Variants in PCDHA6 observed in about 807,000 individuals in gnomAD.
PCDHA6 encodes the protein protocadherin alpha 6.
In PCDHA6, 55 loss-of-function variants were observed where a neutral mutation model predicts 60.3. The observed-to-expected ratio is 0.91, with a 90% confidence interval of 0.73 to 1.14. The LOEUF (loss-of-function observed/expected upper bound fraction) is 1.14, where lower values mean the gene tolerates loss of function less well. Among genes scored for constraint, PCDHA6 ranks in the 50% most tolerant of loss-of-function variants. The pLI, the probability that PCDHA6 is intolerant of heterozygous loss-of-function variation, is 0.00. For missense variants in PCDHA6, 1,327 were observed against 1,256.5 expected, an observed-to-expected ratio of 1.06 and a Z score of -0.85; for synonymous variants, 652 against 557.9, an observed-to-expected ratio of 1.17 and a Z score of -2.38.
At chr5:140,853,040 G>C in intron 1 of PCDHA6, 2 of 265,518 alleles carry the variant, frequency 7.5e-6, no homozygotes, top group Non-Finnish European at 1.2e-5. Context: ...CACCATGCCC[G>C]CCTAATTTTT....
At chr5:140,875,049 T>C (rs2055250146) in intron 1 of PCDHA6, among the ~76,000 whole-genome samples, 1 of 152,252 alleles carries the variant, frequency 6.6e-6, no homozygotes, top group Non-Finnish European at 1.5e-5. Context: ...ATTTCTACTT[T>C]GAAGCAGAAA....
Position 140,856,254 on chromosome 5 carries a change from G to C in PCDHA6, c.2394+25769G>C, listed in dbSNP as rs1554148458. 6.9e-6 allele frequency: 11 copies of C among 1,598,144 alleles called. No homozygotes were observed. Among genetic ancestry groups the C allele is most frequent in the Admixed American group, 1.7e-5 (1 of 59,266 alleles). ...CGCCTGTTCCGGGTGGCGTCCAAAA[G>C]ACACGGGGACCTTCTGGAGGTAAAT... On this transcript the variant is annotated intron_variant, in intron 1 of 3. Transcript: ENST00000529310.
chr5:140,871,036 C>A (rs781977409), intron 1 of PCDHA6: 2 of 1,613,156 alleles, frequency 1.2e-6, no homozygotes, highest in East Asian at 2.2e-5. Flanking sequence ...GCCGCGCCAC[C>A]GACTTCTAGT....
intron 1 of PCDHA6, among the ~76,000 whole-genome samples, chr5:140,911,977 T>G (rs1554195068): frequency 1.3e-5 from 2 of 152,180 alleles, no homozygotes; most frequent in African/African-American, 4.8e-5. Context: ...TTAACTCACA[T>G]GATCACAAGG....
At chr5:140,832,306 A>C (rs1050909955) in intron 1 of PCDHA6, among the ~76,000 whole-genome samples, 2 of 152,188 alleles carry the variant, frequency 1.3e-5, no homozygotes, top group East Asian at 3.8e-4. Context: ...CCACATTTAA[A>C]AGTTGCTTAA....
Position 140,941,319 on chromosome 5 carries a change from C to CT in PCDHA6, c.2395-37615dup, listed in dbSNP as rs70988781. On this transcript the variant is annotated intron_variant, in intron 1 of 3. Transcript: ENST00000529310. Reference sequence around the variant, plus strand: ...TTCTTTCTTTCTTTTTCTTCTTTCTCTTTTTTTTTTTTTTTCAGATGGAGT... The same window carrying CT: ...TTCTTTCTTTCTTTTTCTTCTTTCTCTTTTTTTTTTTTTTTTCAGATGGAGT... Among the ~76,000 whole-genome samples the CT allele has an allele frequency of 1.3e-3, 140 of 104,384 alleles. 3 individuals are homozygous for CT. The highest frequency in any genetic ancestry group is 2.9e-3 in the South Asian group (9 of 3,126). The allele number at this position is 104,384 out of a possible 152,430, so 68.5% of individuals were successfully genotyped here.
chr5:140,987,513 A>C (rs1324114239), intron 3 of PCDHA6, among the ~76,000 whole-genome samples: 3 of 152,168 alleles, frequency 2.0e-5, no homozygotes, highest in Non-Finnish European at 4.4e-5. Flanking sequence ...TCTGCCACTC[A>C]GTAATTGTAT....
At chr5:140,927,153 C>T in intron 1 of PCDHA6, 1 of 1,614,190 alleles carries the variant, frequency 6.2e-7, no homozygotes, top group Non-Finnish European at 8.5e-7. Context: ...AACAGCTGTG[C>T]AGGGCCAAAG....
intron 1 of PCDHA6, chr5:140,863,096 G>A (rs1554157719): frequency 5.2e-6 from 3 of 578,170 alleles, no homozygotes; most frequent in South Asian, 1.4e-5. Flanking sequence ...AGCACGACGA[G>A]TACCCTGGAC....
chr5:140,985,643 A>G (rs564908892), intron 3 of PCDHA6, among the ~76,000 whole-genome samples: 1 of 151,200 alleles, frequency 6.6e-6, no homozygotes, highest in Non-Finnish European at 1.5e-5. Context: ...TCATCCCAAC[A>G]CTTGCAATGG....
chr5:140,910,791 G>A (rs1471299729), intron 1 of PCDHA6, among the ~76,000 whole-genome samples: 2 of 152,140 alleles, frequency 1.3e-5, no homozygotes, highest in Non-Finnish European at 2.9e-5. Context: ...ATTAAATGCA[G>A]AATCCCTGCT....
chr5:140,995,674 A>G (rs1205485736), intron 3 of PCDHA6, among the ~76,000 whole-genome samples: 2 of 151,994 alleles, frequency 1.3e-5, no homozygotes, highest in East Asian at 3.9e-4. Flanking sequence ...TAAATGCAGC[A>G]TTTTTTTTAA....
rs1432987823 is a variant in PCDHA6, at chr5:140,905,869, AAGGCCCAACAAT to A, written c.2395-73074_2395-73063del. ...AAGGAGTATTAACTCACACAATCAC[AAGGCCCAACAAT>A]AGGCCATCTGCAAGCTGAGGAGCAA... On this transcript the variant is annotated intron_variant, in intron 1 of 3. Coordinates refer to ENST00000529310, the MANE Select transcript of PCDHA6 (RefSeq NM_018909.4). 1.1e-4 allele frequency among the ~76,000 whole-genome samples: 17 copies of A among 152,326 alleles called. No individual in the cohort carries two copies. In the South Asian group the frequency reaches 3.5e-3, roughly 32 times the overall value.
In PCDHA6 at chr5:140,856,944, G is replaced by A; in HGVS notation, c.2394+26459G>A. Reference sequence around the variant, plus strand: ...AAATTTTGGATAAACGAAAGGACGGGAGAAATAAAAGTAAATGATGCTATT... The same window carrying A: ...AAATTTTGGATAAACGAAAGGACGGAAGAAATAAAAGTAAATGATGCTATT... On this transcript the variant is annotated intron_variant, in intron 1 of 3. Transcript: ENST00000529310. 1.9e-6 allele frequency: 3 copies of A among 1,593,674 alleles called. 1 individual carries two copies. The highest frequency in any genetic ancestry group is 2.6e-6 in the Non-Finnish European group (3 of 1,163,664).
intron 1 of PCDHA6, among the ~76,000 whole-genome samples, chr5:140,970,887 G>A (rs2096441583): frequency 6.6e-6 from 1 of 152,118 alleles, no homozygotes; most frequent in Non-Finnish European, 1.5e-5. Context: ...TTTTCTCATG[G>A]ACATTTCAGA....
chr5:140,938,977 A>C (rs1205824371), intron 1 of PCDHA6, among the ~76,000 whole-genome samples: 1 of 152,190 alleles, frequency 6.6e-6, no homozygotes, highest in Admixed American at 6.5e-5. Flanking sequence ...CATCAAGGCT[A>C]TCCTGGCTTT....
intron 1 of PCDHA6, among the ~76,000 whole-genome samples, chr5:140,916,133 G>A (rs2077446110): frequency 6.6e-6 from 1 of 152,114 alleles, no homozygotes; most frequent in Non-Finnish European, 1.5e-5. Flanking sequence ...AAGCTTAAGG[G>A]CTGTTCAGTT....
Position 140,830,146 on chromosome 5 carries a change from C to A in PCDHA6, c.2055C>A (p.Gly685=), listed in dbSNP as rs2150181875. 36 of 1,613,246 alleles carry A rather than the reference C, an allele frequency of 2.2e-5. No individual in the cohort carries two copies. The South Asian group carries it at 3.1e-4, about 14-fold the overall frequency. Residue 685 remains glycine, a synonymous_variant, in exon 1 of 4, where the codon GGC becomes GGA. Coordinates refer to ENST00000529310, the MANE Select transcript of PCDHA6 (RefSeq NM_018909.4). ...AGGCGTCATCACGGGCGTCGGTGGG[C>A]GCCGCGGGCCCAGAGGCGGCGCTGG... The part of the protein sequence containing the change: ...APKASSRASV[G]AAGPEAALVD...
In PCDHA6 at chr5:141,012,060, A is replaced by T. The variant is rs919882671; in HGVS notation, c.*2123A>T. 3.9e-5 allele frequency: 6 copies of T among 153,766 alleles called. No individual in the cohort carries two copies. The highest frequency in any genetic ancestry group is 8.8e-5 in the Non-Finnish European group (6 of 68,040). 9.5% of individuals were successfully genotyped at this position (153,766 alleles called of 1,614,324 possible). ...GCATGGGGTAAAACTTGTTACCAAC[A>T]CATGTGAACCATTGCTACATTGTAG... On this transcript the variant is annotated 3_prime_UTR_variant, in exon 4 of 4. Transcript: ENST00000529310.
Sources: allele counts gnomAD v4.1 joint callset (sites outside exome capture counted in the v4.1 genomes callset), GRCh38; gene constraint gnomAD v4.1.1; transcripts MANE v1.5; gene names NCBI Gene and HGNC (gene_info 2026-07-23, HGNC 2026-07-21).